IQCJ: variants seen among roughly 807,000 people sequenced by gnomAD.
IQCJ encodes IQ domain-containing protein J.
IQCJ carries 9 observed loss-of-function variants against 11.0 expected under a neutral mutation model. The observed-to-expected ratio is 0.82, with a 90% CI of 0.49 to 1.43. IQCJ has a LOEUF of 1.43. Among genes scored for constraint, IQCJ ranks in the 40% most tolerant of loss-of-function variants. The pLI, the probability that IQCJ is intolerant of heterozygous loss-of-function variation, is 0.00. For synonymous variants in IQCJ, 55 were observed against 51.3 expected (o/e 1.07, Z -0.31); for missense variants, 146 against 133.2 (o/e 1.10, Z -0.47).
At chr3:159,178,311 T>G (rs1722897078) in intron 1 of IQCJ, among the ~76,000 whole-genome samples, 1 of 152,140 alleles carries the variant, frequency 6.6e-6, no homozygotes, top group African/African-American at 2.4e-5. Flanking sequence ...CACATCTTGG[T>G]GTTGATGGTT....
chr3:159,191,865 C>A (rs993099418), intron 1 of IQCJ, among the ~76,000 whole-genome samples: 4 of 152,214 alleles, frequency 2.6e-5, no homozygotes, highest in African/African-American at 9.6e-5. Flanking sequence ...GTTTCCCATT[C>A]TTCCCATTAG....
At chr3:159,125,601 G>A (rs757922667) in intron 1 of IQCJ, among the ~76,000 whole-genome samples, 4 of 152,196 alleles carry the variant, frequency 2.6e-5, no homozygotes, top group Admixed American at 6.5e-5. Context: ...ATCTAAAACT[G>A]TTCTAAAAGC....
intron 1 of IQCJ, among the ~76,000 whole-genome samples, chr3:159,115,921 G>T (rs1197604059): frequency 6.6e-6 from 1 of 152,136 alleles, no homozygotes. Context: ...GGCCTGTCAG[G>T]GATGGGAGGG....
chr3:159,121,619 C>G (rs1719386522), intron 1 of IQCJ, among the ~76,000 whole-genome samples: 1 of 152,176 alleles, frequency 6.6e-6, no homozygotes. Context: ...TCTTTTATAA[C>G]TGGCCTAAAA....
At chr3:159,118,824 C>T (rs1447612806) in intron 1 of IQCJ, among the ~76,000 whole-genome samples, 1 of 152,186 alleles carries the variant, frequency 6.6e-6, no homozygotes, top group African/African-American at 2.4e-5. Flanking sequence ...AAAGCAGAGT[C>T]TATGCCTAAT....
At chr3:159,102,337 C>A in intron 1 of IQCJ, among the ~76,000 whole-genome samples, 2 of 152,090 alleles carry the variant, frequency 1.3e-5, no homozygotes, top group African/African-American at 2.4e-5. Flanking sequence ...TTCTAAGCAC[C>A]TAAGGAGAAG....
intron 2 of IQCJ, 25 bp from the exon 3 acceptor site, chr3:159,252,702 A>G: frequency 6.2e-7 from 1 of 1,604,240 alleles, no homozygotes; most frequent in Non-Finnish European, 8.5e-7. Flanking sequence ...ATTGGGAGAT[A>G]TTGAGACATT....
intron 1 of IQCJ, among the ~76,000 whole-genome samples, chr3:159,226,489 C>T (rs759414440): frequency 6.6e-6 from 1 of 152,114 alleles, no homozygotes; most frequent in Non-Finnish European, 1.5e-5. Context: ...GTGTCAGGAA[C>T]CACAGGAAGA....
At chr3:159,154,920 A>C (rs1221096039) in intron 1 of IQCJ, among the ~76,000 whole-genome samples, 10 of 148,630 alleles carry the variant, frequency 6.7e-5, no homozygotes, top group East Asian at 2.0e-4. Flanking sequence ...CCTCCCCTTT[A>C]CTCCCTGTCT....
At position 159,252,660 on chromosome 3, in the gene IQCJ, C is replaced by T. The variant is rs7611525; in HGVS notation, c.75-67C>T. ...TATTTTACACATAAGTATAAATTAG[C>T]AGTATTATTGCTATAGATGTTAACC... On this transcript the variant is annotated intron_variant, in intron 2 of 3. Transcript: ENST00000397832. 3,985 of 1,320,234 alleles carry T rather than the reference C, an allele frequency of 3.0e-3. 85 individuals carry two copies. In the African/African-American group the frequency reaches 0.054, roughly 18 times the overall value. 81.8% of individuals were successfully genotyped at this position (1,320,234 alleles called of 1,614,324 possible).
At chr3:159,169,818 G>A (rs1045640875) in intron 1 of IQCJ, among the ~76,000 whole-genome samples, 6 of 152,130 alleles carry the variant, frequency 3.9e-5, no homozygotes, top group African/African-American at 1.4e-4. Flanking sequence ...GAAGAGTCCT[G>A]AGGACTTTAC....
At chr3:159,142,531 C>T (rs563292386) in intron 1 of IQCJ, among the ~76,000 whole-genome samples, 1 of 152,216 alleles carries the variant, frequency 6.6e-6, no homozygotes, top group African/African-American at 2.4e-5. Context: ...ATTCTCCTGC[C>T]TCAGCTTCTC....
At chr3:159,138,213 G>A (rs1330748541) in intron 1 of IQCJ, among the ~76,000 whole-genome samples, 1 of 152,162 alleles carries the variant, frequency 6.6e-6, no homozygotes, top group African/African-American at 2.4e-5. Context: ...GACTCTTTCT[G>A]CTGACCAAAC....
chr3:159,091,674 G>GCACACACACACA (rs1170628138), intron 1 of IQCJ, among the ~76,000 whole-genome samples: 6 of 81,310 alleles, frequency 7.4e-5, no homozygotes, highest in African/African-American at 1.7e-4. Context: ...ACACACGCAT[G>GCACACACACACA]CACACACACA....
At chr3:159,256,873 G>A (rs916517090) in intron 3 of IQCJ, among the ~76,000 whole-genome samples, 3 of 152,140 alleles carry the variant, frequency 2.0e-5, no homozygotes, top group African/African-American at 7.2e-5. Flanking sequence ...TTATCTAGGA[G>A]CTCTATTTGT....
intron 1 of IQCJ, among the ~76,000 whole-genome samples, chr3:159,090,372 C>G (rs545401091): frequency 2.6e-5 from 4 of 151,988 alleles, no homozygotes; most frequent in Non-Finnish European, 5.9e-5. Flanking sequence ...TTCTGCGTCG[C>G]TCACGCTGGG....
At chr3:159,110,311 G>A (rs551403209) in intron 1 of IQCJ, among the ~76,000 whole-genome samples, 3 of 152,256 alleles carry the variant, frequency 2.0e-5, no homozygotes, top group African/African-American at 4.8e-5. Context: ...ACAGTGCCTG[G>A]CACACAGAAC....
intron 1 of IQCJ, among the ~76,000 whole-genome samples, chr3:159,115,059 T>G (rs1718883389): frequency 6.6e-6 from 1 of 152,186 alleles, no homozygotes; most frequent in African/African-American, 2.4e-5. Flanking sequence ...GCACATAATA[T>G]GGTTCACCCT....
chr3:159,200,728 C>T (rs759398751), intron 1 of IQCJ, among the ~76,000 whole-genome samples: 29 of 152,258 alleles, frequency 1.9e-4, no homozygotes, highest in South Asian at 6.2e-4. Context: ...TGGCTGTACT[C>T]GGACAGAGAG....
Sources: allele counts gnomAD v4.1 joint callset (sites outside exome capture counted in the v4.1 genomes callset), GRCh38; gene constraint gnomAD v4.1.1; transcripts MANE v1.5; gene names NCBI Gene and HGNC (gene_info 2026-07-23, HGNC 2026-07-21).